EPS15: variants seen among roughly 807,000 people sequenced by gnomAD.
EPS15 encodes epidermal growth factor receptor pathway substrate 15.
In EPS15, 72 loss-of-function variants were observed where a neutral mutation model predicts 113.8. The observed-to-expected ratio is 0.63, with a 90% CI of 0.52 to 0.77. The LOEUF is 0.77. EPS15 is among the 30% of genes least tolerant of loss of function. The pLI, the probability that EPS15 is intolerant of heterozygous loss-of-function variation, is 0.00. For synonymous variants in EPS15, 344 were observed against 363.4 expected (o/e 0.95, Z 0.61); for missense variants, 1,048 against 1,045.8 (o/e 1.00, Z -0.03).
rs916465313 is a variant in EPS15 at position 51,355,094 on chromosome 1, T to G, written c.*1606A>C. 9.0e-6 allele frequency: 2 copies of G among 221,056 alleles called. No homozygotes were observed. The highest frequency in any genetic ancestry group is 1.8e-5 in the Non-Finnish European group (2 of 110,186). The allele number at this position is 221,056 out of a possible 1,614,324, so 13.7% of individuals were successfully genotyped here. A position where few individuals can be genotyped will look rare whatever the true frequency, so the allele number is the denominator to read the frequency against. On this transcript the variant is annotated 3_prime_UTR_variant, in exon 25 of 25. Transcript: ENST00000371733. ...TGATTCAGCCCTTGCTTCATATGTATGACTTTTATGCAGAAATGTTTCTAT... is the reference window on the plus strand; with the variant it reads ...TGATTCAGCCCTTGCTTCATATGTAGGACTTTTATGCAGAAATGTTTCTAT...
intron 24 of EPS15, among the ~76,000 whole-genome samples, chr1:51,359,966 G>C (rs1646343537): frequency 6.6e-6 from 1 of 151,832 alleles, no homozygotes; most frequent in Admixed American, 6.6e-5. Context: ...ACAGTGGCAT[G>C]ATCACAGCTC....
At chr1:51,415,901 C>T (rs572433365) in intron 13 of EPS15, among the ~76,000 whole-genome samples, 1 of 144,356 alleles carries the variant, frequency 6.9e-6, no homozygotes, top group Non-Finnish European at 1.5e-5. Flanking sequence ...TTAAACTGCA[C>T]AAAATCAAAA....
chr1:51,508,958 T>C (rs1210747354), intron 1 of EPS15, among the ~76,000 whole-genome samples: 1 of 152,188 alleles, frequency 6.6e-6, no homozygotes, highest in Non-Finnish European at 1.5e-5. Context: ...ATAAAACCAT[T>C]AAATAATTAA....
At chr1:51,387,330 G>A (rs1467852416) in intron 21 of EPS15, among the ~76,000 whole-genome samples, 1 of 151,968 alleles carries the variant, frequency 6.6e-6, no homozygotes, top group Non-Finnish European at 1.5e-5. Flanking sequence ...CACTAAACAT[G>A]GAAAGGAACA....
chr1:51,363,443 G>A (rs1034811300), intron 23 of EPS15, among the ~76,000 whole-genome samples: 4 of 152,030 alleles, frequency 2.6e-5, no homozygotes, highest in Admixed American at 2.0e-4. Flanking sequence ...AGGATTTAAG[G>A]AAGACTTTAT....
chr1:51,474,680 T>TTA (rs1557504713), intron 2 of EPS15, among the ~76,000 whole-genome samples: 33 of 151,754 alleles, frequency 2.2e-4, no homozygotes, highest in African/African-American at 5.3e-4. Flanking sequence ...GTTTTCTTTT[T>TTA]TTATTATTAT....
At chr1:51,401,967 C>T (rs569962146) in intron 18 of EPS15, among the ~76,000 whole-genome samples, 1 of 152,164 alleles carries the variant, frequency 6.6e-6, no homozygotes, top group East Asian at 1.9e-4. Context: ...TGAAACCCCG[C>T]CTCTACTAAA....
At chr1:51,439,126 G>A (rs1652384643) in intron 12 of EPS15, among the ~76,000 whole-genome samples, 1 of 152,066 alleles carries the variant, frequency 6.6e-6, no homozygotes, top group Non-Finnish European at 1.5e-5. Context: ...GTCTATCTGA[G>A]AATGGAATCA....
intron 21 of EPS15, among the ~76,000 whole-genome samples, chr1:51,374,618 A>T (rs764605380): frequency 1.3e-5 from 2 of 152,192 alleles, no homozygotes; most frequent in Non-Finnish European, 2.9e-5. Flanking sequence ...AACAAAACAA[A>T]CAAACAAAAA....
chr1:51,516,848 TATTA>T (rs959159391), intron 1 of EPS15, among the ~76,000 whole-genome samples: 2 of 152,246 alleles, frequency 1.3e-5, no homozygotes, highest in African/African-American at 2.4e-5. Flanking sequence ...CTACAACAGT[TATTA>T]ATTACTTTCT....
At chr1:51,460,815 G>A (rs12140248) in intron 8 of EPS15, 5,606 of 300,018 alleles carry the variant, frequency 0.019, 85 homozygotes, top group Non-Finnish European at 0.026. Flanking sequence ...TTAGCTGGGC[G>A]TGGTGGCATG....
intron 1 of EPS15, among the ~76,000 whole-genome samples, chr1:51,489,295 A>ATATATATT (rs1269725360): frequency 2.0e-5 from 3 of 148,824 alleles, no homozygotes; most frequent in African/African-American, 5.0e-5. Flanking sequence ...CCATATATAT[A>ATATATATT]TATATATATA....
chr1:51,420,655 A>G (rs931994691), intron 13 of EPS15, among the ~76,000 whole-genome samples: 3 of 152,174 alleles, frequency 2.0e-5, no homozygotes, highest in South Asian at 4.1e-4. Flanking sequence ...TCACTGCCAG[A>G]GAGAGAATTA....
At chr1:51,486,856 A>G (rs529995052) in intron 1 of EPS15, among the ~76,000 whole-genome samples, 1 of 151,922 alleles carries the variant, frequency 6.6e-6, no homozygotes, top group Non-Finnish European at 1.5e-5. Context: ...TTTAGTAGAG[A>G]CGGGGGCTTC....
At chr1:51,486,657 T>G (rs976124016) in intron 1 of EPS15, among the ~76,000 whole-genome samples, 1 of 152,220 alleles carries the variant, frequency 6.6e-6, no homozygotes, top group African/African-American at 2.4e-5. Flanking sequence ...ATACTGAGAC[T>G]GATATATTTA....
intron 1 of EPS15, among the ~76,000 whole-genome samples, chr1:51,509,274 A>G (rs1348247982): frequency 1.3e-5 from 2 of 148,760 alleles, no homozygotes; most frequent in Middle Eastern, 3.4e-3. Flanking sequence ...GCATAATGCT[A>G]TATCTATGTT....
chr1:51,414,423 A>T (rs1031855768), intron 13 of EPS15, among the ~76,000 whole-genome samples: 2 of 152,128 alleles, frequency 1.3e-5, no homozygotes, highest in Non-Finnish European at 2.9e-5. Context: ...TCTCAAAAAA[A>T]AAAAGAAAAA....
intron 12 of EPS15, among the ~76,000 whole-genome samples, chr1:51,436,996 C>T (rs1652202581): frequency 6.6e-6 from 1 of 152,136 alleles, no homozygotes; most frequent in African/African-American, 2.4e-5. Flanking sequence ...ACCTGTATTG[C>T]TTTTCCTTAA....
chr1:51,470,429 G>A (rs1336082256), intron 4 of EPS15, among the ~76,000 whole-genome samples: 2 of 151,992 alleles, frequency 1.3e-5, no homozygotes, highest in East Asian at 3.9e-4. Context: ...TGGATCACTC[G>A]AGGTCAGGAG....
Sources: allele counts gnomAD v4.1 joint callset (sites outside exome capture counted in the v4.1 genomes callset), GRCh38; gene constraint gnomAD v4.1.1; transcripts MANE v1.5; gene names NCBI Gene and HGNC (gene_info 2026-07-23, HGNC 2026-07-21).